The following DZIP1 variants were observed in gnomAD, a reference collection of about 807,000 sequenced individuals.
DZIP1 encodes DAZ interacting zinc finger protein 1.
A neutral mutation model predicts 107.6 loss-of-function variants in DZIP1; 97 were observed. The observed-to-expected ratio is 0.90, with a 90% CI of 0.77 to 1.07. The LOEUF (loss-of-function observed/expected upper bound fraction) is 1.07, where lower values mean the gene tolerates loss of function less well. DZIP1 is among the 50% of genes least tolerant of loss of function. The probability of loss-of-function intolerance (pLI) is 0.00; values close to 1 mark genes in which losing one functional copy is unlikely to be tolerated. For missense variants in DZIP1, 1,035 were observed against 1,063.6 expected (o/e 0.97, Z 0.37); for synonymous variants, 390 against 386.4 (o/e 1.01, Z -0.11).
At chr13:95,622,508 T>C (rs1211801219) in intron 8 of DZIP1, 28 bp from the exon 9 acceptor site, 1 of 1,613,438 alleles carries the variant, frequency 6.2e-7, no homozygotes, top group Non-Finnish European at 8.5e-7. Flanking sequence ...AGCTCAGTAC[T>C]ACAGTTAGAC....
chr13:95,622,985 CA>C (rs1312236451), intron 8 of DZIP1, among the ~76,000 whole-genome samples: 2 of 152,042 alleles, frequency 1.3e-5, no homozygotes, highest in African/African-American at 4.8e-5. Context: ...GCTCACACAA[CA>C]ATCTGCCTAC....
chr13:95,635,774 C>CA (rs1319221594), intron 5 of DZIP1, among the ~76,000 whole-genome samples: 5 of 152,188 alleles, frequency 3.3e-5, no homozygotes, highest in Non-Finnish European at 7.3e-5. Flanking sequence ...AGAGACCATC[C>CA]AGCCTTCAAA....
rs143904747 is a variant in DZIP1 at position 95,596,370 on chromosome 13, C to T, written c.1538-2284G>A. On this transcript the variant is annotated intron_variant, in intron 15 of 22. Coordinates refer to ENST00000376829, the MANE Select transcript of DZIP1 (RefSeq NM_198968.4). Reference sequence around the variant, plus strand: ...TCAGTTTTATCAGACATACAACATCCCATTTATGGTAAACAAATAATTGTA... The same window carrying T: ...TCAGTTTTATCAGACATACAACATCTCATTTATGGTAAACAAATAATTGTA... 1.3e-3 allele frequency among the ~76,000 whole-genome samples: 201 copies of T among 152,194 alleles called. 2 individuals carry two copies. Among genetic ancestry groups the T allele is most frequent in the Admixed American group, 2.2e-3 (34 of 15,284 alleles).
At chr13:95,627,408 T>C (rs1027223845) in intron 7 of DZIP1, among the ~76,000 whole-genome samples, 2 of 152,158 alleles carry the variant, frequency 1.3e-5, no homozygotes, top group Non-Finnish European at 2.9e-5. Flanking sequence ...AAACTATTAG[T>C]GTATATAAAT....
chr13:95,639,961 A>G (rs1214479083), intron 5 of DZIP1, among the ~76,000 whole-genome samples: 2 of 151,546 alleles, frequency 1.3e-5, no homozygotes, highest in Non-Finnish European at 2.9e-5. Context: ...TTCTAATAAT[A>G]TTCCTAATTG....
At chr13:95,605,822 G>A (rs2044755010) in intron 14 of DZIP1, among the ~76,000 whole-genome samples, 181 bp downstream of exon 14, 1 of 152,158 alleles carries the variant, frequency 6.6e-6, no homozygotes, top group African/African-American at 2.4e-5. Context: ...ACTTTGGGAG[G>A]TATGTCCAGT....
chr13:95,620,597 T>C (rs1230597758), intron 9 of DZIP1, among the ~76,000 whole-genome samples: 1 of 152,108 alleles, frequency 6.6e-6, no homozygotes, highest in East Asian at 1.9e-4. Context: ...CACAACACAA[T>C]ACAGCTGTGT....
intron 16 of DZIP1, among the ~76,000 whole-genome samples, chr13:95,592,598 T>C (rs371015586): frequency 4.6e-5 from 7 of 152,214 alleles, no homozygotes; most frequent in African/African-American, 1.7e-4. Flanking sequence ...GTACTAAACA[T>C]ATGCCTACCC....
chr13:95,628,087 T>C (rs1375319330), intron 7 of DZIP1, among the ~76,000 whole-genome samples: 1 of 151,946 alleles, frequency 6.6e-6, no homozygotes, highest in Non-Finnish European at 1.5e-5. Context: ...TGTAGCCAAA[T>C]GGGGTGCAGC....
chr13:95,593,615 C>T (rs1414576527), intron 16 of DZIP1, among the ~76,000 whole-genome samples: 1 of 152,158 alleles, frequency 6.6e-6, no homozygotes, highest in Non-Finnish European at 1.5e-5. Context: ...CTGTGACTGC[C>T]TAGATACAAA....
Position 95,642,073 on chromosome 13 carries a change from G to GGCC in DZIP1, c.-47_-45dup, listed in dbSNP as rs775805889. On this transcript the variant is annotated 5_prime_UTR_variant, in exon 4 of 23. Transcript: ENST00000376829. ...TTTACCCAGCCTGGGCCGCCTCCCG[G>GGCC]GCCGCCGCCGCCACAGCCCTCAGGA... 1.0e-5 allele frequency: 15 copies of GGCC among 1,491,386 alleles called. No homozygotes were observed. The Admixed American group carries it at 2.1e-4, about 21-fold the overall frequency. The allele number at this position is 1,491,386 out of a possible 1,614,324, so 92.4% of individuals were successfully genotyped here. A position where few individuals can be genotyped will look rare whatever the true frequency, so the allele number is the denominator to read the frequency against.
In DZIP1 at chr13:95,584,897, T is replaced by C; in HGVS notation, c.2363A>G (p.Glu788Gly). 4 of 1,613,168 alleles carry C rather than the reference T, an allele frequency of 2.5e-6. No individual in the cohort carries two copies. The highest frequency in any genetic ancestry group is 2.5e-6 in the Non-Finnish European group (3 of 1,179,574). The change falls in exon 22 of 23, where the codon GAG (glutamate) becomes GGG (glycine). Residue 788 changes from glutamate to glycine, a missense_variant. Glu to Gly is a moderately conservative substitution (Grantham distance 98). Coordinates refer to ENST00000376829, the MANE Select transcript of DZIP1 (RefSeq NM_198968.4). ...ELQELKCADVEDEDWDISSLE... is the reference protein window; with the variant it reads ...ELQELKCADVGDEDWDISSLE... ...GGATGATATGTCCCAGTCTTCATCC[T>C]CCACATCCGCACACTAAAAGAAAGG...
chr13:95,602,544 C>T (rs2044647145), intron 14 of DZIP1, among the ~76,000 whole-genome samples: 1 of 152,178 alleles, frequency 6.6e-6, no homozygotes, highest in Non-Finnish European at 1.5e-5. Flanking sequence ...GTTGTCATTA[C>T]CCAGTGGTCA....
chr13:95,627,204 C>T (rs1295190253), intron 7 of DZIP1, among the ~76,000 whole-genome samples: 1 of 152,164 alleles, frequency 6.6e-6, no homozygotes, highest in Non-Finnish European at 1.5e-5. Flanking sequence ...GAGATAAACC[C>T]AAACATCTAT....
chr13:95,589,848 AGTT>A lies in DZIP1; in HGVS notation c.1925_1927del (p.Gln642del). ...AGTAGAAACAGCTTTTTGTCTAATCAGTTGTCTGTTTTTGGAAGGAAGTTGTAT... is the reference window on the plus strand; with the variant it reads ...AGTAGAAACAGCTTTTTGTCTAATCAGTCTGTTTTTGGAAGGAAGTTGTAT... On this transcript the variant is annotated inframe_deletion, in exon 18 of 23. Transcript: ENST00000376829. 1 of 1,614,118 alleles carries A rather than the reference AGTT, an allele frequency of 6.2e-7. No homozygotes were observed. Among genetic ancestry groups the A allele is most frequent in the Non-Finnish European group, 8.5e-7 (1 of 1,180,006 alleles).
chr13:95,586,010 A>G lies in DZIP1; in HGVS notation c.2345T>C (p.Leu782Pro). The part of the protein sequence containing the change: ...MFIKKEELQE[L>P]KCADVEDEDW... Reference sequence around the variant, plus strand: ...AGCAAGTAAAAGTGATTTCACCTTTAGTTCTTGTAATTCTTCTTTTTTGAT... The same window carrying G: ...AGCAAGTAAAAGTGATTTCACCTTTGGTTCTTGTAATTCTTCTTTTTTGAT... Residue 782 changes from leucine to proline, a missense_variant, in exon 21 of 23, where the codon CTA (leucine) becomes CCA (proline). Leu to Pro is a moderately conservative substitution (Grantham distance 98). Transcript: ENST00000376829. 1 of 1,600,414 alleles carries G rather than the reference A, an allele frequency of 6.2e-7. No homozygotes were observed. The highest frequency in any genetic ancestry group is 1.1e-5 in the South Asian group (1 of 87,616).
chr13:95,589,892 T>A lies in DZIP1; in HGVS notation c.1884A>T (p.Gly628=). ...SVSQMDTLST[G]EVPKMIQLPS... ...GAAGTTGTATCATTTTGGGTACTTCTCCAGTTGAAAGGGTATCCATTTGAG... is the reference window on the plus strand; with the variant it reads ...GAAGTTGTATCATTTTGGGTACTTCACCAGTTGAAAGGGTATCCATTTGAG... The change falls in exon 18 of 23, where the codon GGA becomes GGT. Residue 628 remains glycine, a synonymous_variant. Coordinates refer to ENST00000376829, the MANE Select transcript of DZIP1 (RefSeq NM_198968.4). The A allele has an allele frequency of 1.9e-6, 3 of 1,614,184 alleles. No homozygotes were observed. Among genetic ancestry groups the A allele is most frequent in the Non-Finnish European group, 2.5e-6 (3 of 1,180,022 alleles).
chr13:95,603,211 G>A (rs997002053), intron 14 of DZIP1, among the ~76,000 whole-genome samples: 6 of 146,444 alleles, frequency 4.1e-5, no homozygotes, highest in Admixed American at 7.0e-5. Flanking sequence ...TCTCAACTAC[G>A]TGGGAGGATC....
rs139466712 is a variant in DZIP1, at chr13:95,637,561, G to C, written c.597+3734C>G. Among the ~76,000 whole-genome samples, 38 of 151,616 alleles carry C rather than the reference G, an allele frequency of 2.5e-4. 1 individual carries two copies. In the East Asian group the frequency reaches 7.0e-3, roughly 28 times the overall value. ...TAAGGCCAGCCTGGGCACATAGCAA[G>C]ACCCCTTCACTTTAAAAAAAGAAAA... is the stretch of plus-strand genomic sequence containing the variant. On this transcript the variant is annotated intron_variant, in intron 5 of 22. Transcript: ENST00000376829.
Sources: allele counts gnomAD v4.1 joint callset (sites outside exome capture counted in the v4.1 genomes callset), GRCh38; gene constraint gnomAD v4.1.1; transcripts MANE v1.5; gene names NCBI Gene and HGNC (gene_info 2026-07-23, HGNC 2026-07-21).